IMMP2L: variants seen among roughly 807,000 people sequenced by gnomAD.
IMMP2L encodes the protein mitochondrial inner membrane protease subunit 2.
Under a neutral mutation model 19.3 loss-of-function variants are expected in IMMP2L, and 18 were observed. The observed-to-expected ratio is 0.93, with a 90% confidence interval of 0.64 to 1.38. IMMP2L has a LOEUF of 1.38. Ranked by LOEUF, IMMP2L falls within the 40% of genes most tolerant of loss-of-function variation. The pLI is 0.00. For missense variants in IMMP2L, 233 were observed against 218.2 expected (o/e 1.07, Z -0.43); for synonymous variants, 76 against 73.0 (o/e 1.04, Z -0.21).
intron 5 of IMMP2L, among the ~76,000 whole-genome samples, chr7:110,696,791 C>A (rs918219390): frequency 1.3e-5 from 2 of 152,000 alleles, no homozygotes; most frequent in African/African-American, 4.8e-5. Flanking sequence ...GGAAAGCTCA[C>A]TGGAAGTAGA....
At chr7:111,052,466 T>C (rs1319427218) in intron 3 of IMMP2L, among the ~76,000 whole-genome samples, 1 of 152,228 alleles carries the variant, frequency 6.6e-6, no homozygotes, top group Non-Finnish European at 1.5e-5. Flanking sequence ...TTTCAACCAA[T>C]TGCCAATCAG....
intron 3 of IMMP2L, among the ~76,000 whole-genome samples, chr7:111,367,581 A>G (rs981282567): frequency 6.6e-6 from 1 of 151,998 alleles, no homozygotes; most frequent in African/African-American, 2.4e-5. Context: ...TATGCTAATA[A>G]GTACTTGATA....
chr7:110,735,693 C>T (rs1475760146), intron 5 of IMMP2L, among the ~76,000 whole-genome samples: 6 of 143,386 alleles, frequency 4.2e-5, no homozygotes, highest in Non-Finnish European at 7.7e-5. Flanking sequence ...CACACACACA[C>T]ACACACACAC....
intron 2 of IMMP2L, among the ~76,000 whole-genome samples, chr7:111,506,051 C>T (rs996956099): frequency 6.6e-6 from 1 of 151,794 alleles, no homozygotes; most frequent in African/African-American, 2.4e-5. Context: ...GAGGATGGCT[C>T]CAGGCCAAAA....
intron 3 of IMMP2L, among the ~76,000 whole-genome samples, chr7:111,356,844 C>G (rs559901977): frequency 6.6e-6 from 1 of 151,960 alleles, no homozygotes. Context: ...CTGGCCAACA[C>G]GGTGAAACCC....
chr7:111,180,067 C>T (rs1225211431), intron 3 of IMMP2L, among the ~76,000 whole-genome samples: 2 of 151,958 alleles, frequency 1.3e-5, no homozygotes, highest in Non-Finnish European at 2.9e-5. Flanking sequence ...AAACTTTCTC[C>T]ATATCAGCAA....
intron 4 of IMMP2L, among the ~76,000 whole-genome samples, chr7:110,928,758 A>G (rs968052788): frequency 1.3e-5 from 2 of 152,074 alleles, no homozygotes; most frequent in African/African-American, 4.8e-5. Context: ...TCCCTCACCA[A>G]CTGCTCTATA....
intron 3 of IMMP2L, among the ~76,000 whole-genome samples, chr7:111,224,361 T>C (rs1316203619): frequency 6.6e-6 from 1 of 152,182 alleles, no homozygotes; most frequent in Admixed American, 6.5e-5. Context: ...TGATGGTTTG[T>C]ACATGTGTGA....
intron 3 of IMMP2L, among the ~76,000 whole-genome samples, chr7:111,086,259 A>G (rs1796319937): frequency 6.8e-6 from 1 of 146,624 alleles, no homozygotes; most frequent in African/African-American, 2.5e-5. Context: ...CTCAAAGAAA[A>G]AAAAAAGAAA....
intron 3 of IMMP2L, among the ~76,000 whole-genome samples, chr7:111,173,676 C>T (rs907690295): frequency 5.3e-5 from 8 of 151,680 alleles, no homozygotes; most frequent in Non-Finnish European, 8.9e-5. Flanking sequence ...GTGTCATTTC[C>T]AATCCCTAGT....
chr7:111,184,768 A>AATGT (rs1554382829), intron 3 of IMMP2L, among the ~76,000 whole-genome samples: 2 of 151,016 alleles, frequency 1.3e-5, no homozygotes, highest in African/African-American at 2.4e-5. Flanking sequence ...ATGTTTAAAA[A>AATGT]GTGTGTGTGT....
intron 3 of IMMP2L, among the ~76,000 whole-genome samples, chr7:111,007,951 T>G (rs889573943): frequency 6.6e-6 from 1 of 152,088 alleles, no homozygotes. Context: ...TTAAAAACAT[T>G]ATTGATTCCT....
chr7:110,951,750 C>T (rs1268374851), intron 4 of IMMP2L, among the ~76,000 whole-genome samples: 1 of 152,044 alleles, frequency 6.6e-6, no homozygotes, highest in East Asian at 1.9e-4. Flanking sequence ...ACACCATCTA[C>T]TATATCATGC....
chr7:111,547,487 G>T (rs1849031201), intron 1 of IMMP2L, among the ~76,000 whole-genome samples: 1 of 149,224 alleles, frequency 6.7e-6, no homozygotes, highest in Non-Finnish European at 1.5e-5. Flanking sequence ...CTCCATTGTA[G>T]GCTAAACAAA....
intron 3 of IMMP2L, among the ~76,000 whole-genome samples, chr7:111,089,871 G>GTATTAT (rs34282091): frequency 4.6e-5 from 7 of 151,336 alleles, no homozygotes; most frequent in African/African-American, 1.5e-4. Context: ...ATTTTTCCTG[G>GTATTAT]TATTATTATT....
In IMMP2L at chr7:111,289,339, A is replaced by C. The variant is rs555356560; in HGVS notation, c.239+197899T>G. 2.6e-5 allele frequency among the ~76,000 whole-genome samples: 4 copies of C among 152,048 alleles called. No homozygotes were observed. In the South Asian group the frequency reaches 8.3e-4, roughly 32 times the overall value. On this transcript the variant is annotated intron_variant, in intron 3 of 5. Transcript: ENST00000405709. ...ATGTAGATGATGGGTTGATGTGTGC[A>C]ACAAACCACCATGGTATGTGTACAC... is the stretch of plus-strand genomic sequence containing the variant.
chr7:110,726,466 C>T (rs573322608), intron 5 of IMMP2L, among the ~76,000 whole-genome samples: 3 of 152,026 alleles, frequency 2.0e-5, no homozygotes, highest in Admixed American at 1.3e-4. Flanking sequence ...TAGCACATTC[C>T]CAAAGAGGTG....
At chr7:111,347,867 T>C (rs1055359256) in intron 3 of IMMP2L, among the ~76,000 whole-genome samples, 4 of 151,990 alleles carry the variant, frequency 2.6e-5, no homozygotes, top group Non-Finnish European at 5.9e-5. Context: ...ATGAAATTTA[T>C]CTCTCACAGA....
At chr7:110,882,263 T>C (rs1473012675) in intron 5 of IMMP2L, among the ~76,000 whole-genome samples, 1 of 151,122 alleles carries the variant, frequency 6.6e-6, no homozygotes, top group Admixed American at 6.6e-5. Flanking sequence ...CAAAACTCAG[T>C]CCCAATTCCT....
Sources: gnomAD v4.1 joint callset for allele counts (sites outside exome capture counted in the v4.1 genomes callset) on GRCh38, gnomAD v4.1.1 for gene constraint, MANE v1.5 for transcripts, NCBI Gene and HGNC (gene_info 2026-07-23, HGNC 2026-07-21) for gene names.